ANO2: variants seen among roughly 807,000 people sequenced by gnomAD.
ANO2 encodes anoctamin-2.
ANO2 carries 101 observed loss-of-function variants against 124.2 expected under a neutral mutation model. The ratio of observed to expected loss-of-function variants is 0.81; its 90% CI spans 0.69 to 0.96. The LOEUF (loss-of-function observed/expected upper bound fraction) is 0.96. ANO2 is among the 40% of genes least tolerant of loss of function. The pLI is 0.00. For synonymous variants in ANO2, 486 were observed against 482.5 expected, an observed-to-expected ratio of 1.01 and a Z score of -0.09; for missense variants, 1,293 against 1,274.5, an observed-to-expected ratio of 1.01 and a Z score of -0.22.
intron 3 of ANO2, among the ~76,000 whole-genome samples, chr12:5,857,213 G>A (rs1955125379): frequency 6.6e-6 from 1 of 152,302 alleles, no homozygotes; most frequent in South Asian, 2.1e-4. Flanking sequence ...CATCCATTCT[G>A]CCCTGCCTGT....
At chr12:5,743,392 T>C (rs764393219) in intron 12 of ANO2, among the ~76,000 whole-genome samples, 3 of 152,170 alleles carry the variant, frequency 2.0e-5, no homozygotes, top group Non-Finnish European at 4.4e-5. Context: ...CCTTTTCTAA[T>C]ACTCATGGGT....
chr12:5,723,877 G>C (rs756336878), intron 14 of ANO2, among the ~76,000 whole-genome samples: 9 of 152,088 alleles, frequency 5.9e-5, no homozygotes, highest in Admixed American at 3.3e-4. Flanking sequence ...TGAAGCACAG[G>C]ACTGCAGAGC....
intron 4 of ANO2, among the ~76,000 whole-genome samples, chr12:5,845,843 T>C (rs1223765618): frequency 1.3e-5 from 2 of 152,248 alleles, no homozygotes; most frequent in Admixed American, 6.5e-5. Context: ...CGGTCATATC[T>C]ACCTCATGTC....
chr12:5,790,835 C>T (rs574964714), intron 10 of ANO2, among the ~76,000 whole-genome samples: 2 of 152,242 alleles, frequency 1.3e-5, no homozygotes, highest in South Asian at 4.1e-4. Flanking sequence ...TTCAGCAGAT[C>T]CTGATGCAGG....
intron 3 of ANO2, among the ~76,000 whole-genome samples, chr12:5,871,946 A>C (rs1937732674): frequency 6.6e-6 from 1 of 152,192 alleles, no homozygotes. Flanking sequence ...CCCACAGCAC[A>C]TGCTCAGGAA....
chr12:5,706,554 T>C (rs1003606448), intron 14 of ANO2, among the ~76,000 whole-genome samples: 2 of 152,204 alleles, frequency 1.3e-5, no homozygotes, highest in African/African-American at 4.8e-5. Flanking sequence ...CTAAAAAGTA[T>C]TGCCTTTCCC....
chr12:5,850,880 A>G (rs1347243595), intron 4 of ANO2, among the ~76,000 whole-genome samples: 1 of 152,214 alleles, frequency 6.6e-6, no homozygotes, highest in Non-Finnish European at 1.5e-5. Flanking sequence ...CAGACACAAC[A>G]AAGTCCTGCA....
intron 14 of ANO2, among the ~76,000 whole-genome samples, chr12:5,713,502 G>T (rs1949892666): frequency 6.6e-6 from 1 of 152,142 alleles, no homozygotes; most frequent in South Asian, 2.1e-4. Context: ...TTTGGCAGGT[G>T]GCTAAGGGCA....
Position 5,919,092 on chromosome 12 carries a change from C to CA in ANO2, c.534+1947dup, listed in dbSNP as rs566455027. 5.9e-5 allele frequency among the ~76,000 whole-genome samples: 9 copies of CA among 151,940 alleles called. 1 individual carries two copies. Among genetic ancestry groups the CA allele is most frequent in the African/African-American group, 2.2e-4 (9 of 41,430 alleles). On this transcript the variant is annotated intron_variant, in intron 3 of 24. Transcript: ENST00000682330. ...AGTGGGAGCACAGATAAAAAACAAACAAAAAAAGTCTATCATTGTTATTCC... is the reference window on the plus strand; with the variant it reads ...AGTGGGAGCACAGATAAAAAACAAACAAAAAAAAGTCTATCATTGTTATTCC...
At chr12:5,647,426 A>G (rs1035066) in intron 15 of ANO2, among the ~76,000 whole-genome samples, 58,060 of 152,108 alleles carry the variant, frequency 0.38, 12,722 homozygotes, top group East Asian at 0.67. Flanking sequence ...AGAGAGGGCC[A>G]CCCCACAGCC....
chr12:5,799,694 C>G, intron 9 of ANO2, 123 bp from the exon 10 acceptor site: 2 of 831,092 alleles, frequency 2.4e-6, no homozygotes, highest in Non-Finnish European at 3.9e-6. Flanking sequence ...TCTCATGAGA[C>G]ATCCAGGGGG....
At chr12:5,775,587 G>A (rs1051620918) in intron 10 of ANO2, among the ~76,000 whole-genome samples, 5 of 151,276 alleles carry the variant, frequency 3.3e-5, no homozygotes, top group Non-Finnish European at 5.9e-5. Flanking sequence ...TCAGCCTCCT[G>A]AGTAGCTGGG....
Position 5,659,109 on chromosome 12 carries a change from G to T in ANO2, c.1546-11308C>A, listed in dbSNP as rs867619403. Among the ~76,000 whole-genome samples, 8 of 152,144 alleles carry T rather than the reference G, an allele frequency of 5.3e-5. 1 individual carries two copies. The highest frequency in any genetic ancestry group is 1.9e-4 in the African/African-American group (8 of 41,484). On this transcript the variant is annotated intron_variant, in intron 14 of 24. Coordinates refer to ENST00000682330, the MANE Select transcript of ANO2 (RefSeq NM_001364791.2). The stretch of plus-strand genomic sequence containing the variant: ...CTGTCCCCTCAGACCCAAGCTGCTC[G>T]ATGCTCTCTCTCTCTGCTGGGTGAG...
At chr12:5,618,952 A>G (rs113469448) in intron 16 of ANO2, among the ~76,000 whole-genome samples, 3,059 of 152,354 alleles carry the variant, frequency 0.02, 85 homozygotes, top group African/African-American at 0.058. Context: ...CACACAGCAC[A>G]GTGAGCCCTT....
At chr12:5,945,289 T>A, upstream of ANO2, 1 of 1,232,062 alleles carries the variant, frequency 8.1e-7, no homozygotes, top group Non-Finnish European at 1.0e-6. Context: ...CGGGGCTAAT[T>A]CCATCGCGGC....
At chr12:5,811,336 C>A (rs919395709) in intron 7 of ANO2, among the ~76,000 whole-genome samples, 1 of 152,178 alleles carries the variant, frequency 6.6e-6, no homozygotes, top group African/African-American at 2.4e-5. Context: ...ATTGTCTTGA[C>A]GTGTGCTTAA....
intron 14 of ANO2, among the ~76,000 whole-genome samples, chr12:5,703,583 A>G (rs1008231257): frequency 1.3e-5 from 2 of 152,086 alleles, no homozygotes; most frequent in Admixed American, 1.3e-4. Flanking sequence ...ACTGTCACCC[A>G]GGCTGGAGTG....
intron 14 of ANO2, among the ~76,000 whole-genome samples, chr12:5,684,288 T>C (rs1404144455): frequency 1.3e-5 from 2 of 152,194 alleles, no homozygotes; most frequent in Admixed American, 1.3e-4. Context: ...CTCAGAGGGA[T>C]AGGGATCAGG....
At chr12:5,567,208 T>G (rs1008911569) in intron 23 of ANO2, among the ~76,000 whole-genome samples, 10 of 152,114 alleles carry the variant, frequency 6.6e-5, no homozygotes, top group Non-Finnish European at 1.5e-4. Flanking sequence ...AAGCTTGGTT[T>G]GACATCCGGA....
Sources: allele counts gnomAD v4.1 joint callset (sites outside exome capture counted in the v4.1 genomes callset), GRCh38; gene constraint gnomAD v4.1.1; transcripts MANE v1.5; gene names NCBI Gene and HGNC (gene_info 2026-07-23, HGNC 2026-07-21).